RBMS3: variants seen among roughly 807,000 people sequenced by gnomAD.
The protein encoded by RBMS3 is RNA-binding motif, single-stranded-interacting protein 3.
RBMS3 carries 27 observed loss-of-function variants against 66.8 expected under a neutral mutation model. The observed-to-expected ratio is 0.40, with a 90% CI of 0.30 to 0.56. The LOEUF (loss-of-function observed/expected upper bound fraction) is 0.56, where lower values mean the gene tolerates loss of function less well. Among genes scored for constraint, RBMS3 ranks in the 20% least tolerant of loss-of-function variants. RBMS3 has a pLI of 0.40. For synonymous variants in RBMS3, 188 were observed against 183.0 expected (o/e 1.03, Z -0.22); for missense variants, 513 against 549.5 (o/e 0.93, Z 0.66).
intron 3 of RBMS3, among the ~76,000 whole-genome samples, chr3:29,521,128 C>T (rs1199965905): frequency 6.6e-6 from 1 of 152,088 alleles, no homozygotes; most frequent in Non-Finnish European, 1.5e-5. Flanking sequence ...TATCCCACCC[C>T]ATCCTTGATT....
intron 7 of RBMS3, among the ~76,000 whole-genome samples, chr3:29,871,109 A>G (rs1477510397): frequency 6.6e-6 from 1 of 152,152 alleles, no homozygotes; most frequent in Admixed American, 6.6e-5. Flanking sequence ...CTATATAAGC[A>G]ATATTTAATT....
chr3:29,652,991 C>G (rs946481495), intron 4 of RBMS3, among the ~76,000 whole-genome samples: 4 of 152,048 alleles, frequency 2.6e-5, no homozygotes, highest in African/African-American at 9.7e-5. Flanking sequence ...ATGTAGAAAT[C>G]AACTTCTATA....
intron 1 of RBMS3, among the ~76,000 whole-genome samples, chr3:29,353,419 T>G (rs1191654774): frequency 2.0e-5 from 3 of 151,944 alleles, no homozygotes; most frequent in Non-Finnish European, 4.4e-5. Flanking sequence ...GTTAAAGGAG[T>G]ATAGATTTAT....
chr3:29,640,151 A>C (rs114641672), intron 4 of RBMS3, among the ~76,000 whole-genome samples: 21 of 151,910 alleles, frequency 1.4e-4, no homozygotes, highest in African/African-American at 4.8e-4. Context: ...GCAGATACAG[A>C]TGTGTAACTA....
chr3:29,507,147 C>G lies in RBMS3; in HGVS notation c.307+18648C>G, dbSNP rs531987577. On this transcript the variant is annotated intron_variant, in intron 3 of 14. Transcript: ENST00000383767. ...TAATTTCTCTTTCTTTTTCTGATTC[C>G]TTGAAGTTTAACATTAGGATATCTC... Among the ~76,000 whole-genome samples the G allele has an allele frequency of 2.7e-5, 4 of 149,474 alleles. No homozygotes were observed. In the South Asian group the frequency reaches 8.4e-4, roughly 31 times the overall value.
At position 29,735,496 on chromosome 3, in the gene RBMS3, C is replaced by A. The variant is rs539511834; in HGVS notation, c.400-4224C>A. On this transcript the variant is annotated intron_variant, in intron 4 of 14. Coordinates refer to ENST00000383767, the MANE Select transcript of RBMS3 (RefSeq NM_001003793.3). Reference sequence around the variant, plus strand: ...GGGGAGTTACTTATAGTGACATGGACAGTTATATGTAATAGATGTATGAAT... The same window carrying A: ...GGGGAGTTACTTATAGTGACATGGAAAGTTATATGTAATAGATGTATGAAT... Among the ~76,000 whole-genome samples, 4 of 152,190 alleles carry A rather than the reference C, an allele frequency of 2.6e-5. No homozygotes were observed. The South Asian group carries it at 6.2e-4, about 24-fold the overall frequency.
chr3:29,978,360 A>G (rs1372667008), intron 12 of RBMS3, among the ~76,000 whole-genome samples: 1 of 152,212 alleles, frequency 6.6e-6, no homozygotes, highest in African/African-American at 2.4e-5. Context: ...CTTAAGGGAC[A>G]TAAAACTCCA....
At chr3:29,411,466 A>AT (rs2040263212) in intron 1 of RBMS3, among the ~76,000 whole-genome samples, 1 of 152,128 alleles carries the variant, frequency 6.6e-6, no homozygotes, top group Non-Finnish European at 1.5e-5. Context: ...ATGATTCATG[A>AT]TTTTATCAGA....
chr3:29,804,578 T>C (rs185532568), intron 6 of RBMS3, among the ~76,000 whole-genome samples: 27 of 152,110 alleles, frequency 1.8e-4, no homozygotes, highest in Non-Finnish European at 3.1e-4. Flanking sequence ...AATGATAAAA[T>C]CTGATTTTAT....
chr3:29,799,971 C>A (rs908938828), intron 6 of RBMS3, among the ~76,000 whole-genome samples: 2 of 152,160 alleles, frequency 1.3e-5, no homozygotes, highest in African/African-American at 2.4e-5. Context: ...ACAACTTCAT[C>A]AAGATTTATC....
intron 10 of RBMS3, among the ~76,000 whole-genome samples, chr3:29,920,463 T>C (rs2060742286): frequency 6.6e-6 from 1 of 152,216 alleles, no homozygotes; most frequent in Non-Finnish European, 1.5e-5. Context: ...TTTCTGTTTT[T>C]CTGAAATTTT....
At chr3:29,838,212 A>G (rs1008901217) in intron 6 of RBMS3, among the ~76,000 whole-genome samples, 1 of 147,718 alleles carries the variant, frequency 6.8e-6, no homozygotes, top group Non-Finnish European at 1.5e-5. Flanking sequence ...GATGGTGTGC[A>G]CCTGAAATCC....
At chr3:29,993,900 T>TA (rs1310047148) in intron 14 of RBMS3, among the ~76,000 whole-genome samples, 11 of 152,168 alleles carry the variant, frequency 7.2e-5, no homozygotes, top group Non-Finnish European at 1.0e-4. Context: ...TTTCTTATTT[T>TA]AAAAAATCTC....
intron 4 of RBMS3, among the ~76,000 whole-genome samples, chr3:29,661,534 C>T (rs1334209324): frequency 6.6e-6 from 1 of 152,010 alleles, no homozygotes; most frequent in Non-Finnish European, 1.5e-5. Context: ...ATTTAGGTCA[C>T]TACTGTTTCT....
chr3:29,656,749 C>A (rs1247582824), intron 4 of RBMS3, among the ~76,000 whole-genome samples: 1 of 152,104 alleles, frequency 6.6e-6, no homozygotes, highest in Non-Finnish European at 1.5e-5. Context: ...GACCCATAAC[C>A]GTTTTTTATG....
chr3:29,587,254 G>GTA, intron 4 of RBMS3, 49 bp downstream of exon 4: 1 of 255,778 alleles, frequency 3.9e-6, no homozygotes, highest in Non-Finnish European at 5.6e-6. Flanking sequence ...TTTTTTGTGT[G>GTA]TGTGTGTGTG....
chr3:29,562,773 T>C (rs1284667920), intron 3 of RBMS3, among the ~76,000 whole-genome samples: 2 of 152,206 alleles, frequency 1.3e-5, no homozygotes, highest in Non-Finnish European at 2.9e-5. Context: ...TATATCCTGC[T>C]CTAACCCATA....
chr3:29,388,752 G>A (rs968039254), intron 1 of RBMS3, among the ~76,000 whole-genome samples: 6 of 152,160 alleles, frequency 3.9e-5, no homozygotes, highest in African/African-American at 1.2e-4. Flanking sequence ...TTTTAGTAGA[G>A]ACAGGGTTTC....
chr3:29,553,054 T>A (rs1278715727), intron 3 of RBMS3, among the ~76,000 whole-genome samples: 1 of 152,122 alleles, frequency 6.6e-6, no homozygotes, highest in East Asian at 1.9e-4. Context: ...TCATAGGCAG[T>A]TTTGAGCATT....
Sources: allele counts gnomAD v4.1 joint callset (sites outside exome capture counted in the v4.1 genomes callset), GRCh38; gene constraint gnomAD v4.1.1; transcripts MANE v1.5; gene names NCBI Gene and HGNC (gene_info 2026-07-23, HGNC 2026-07-21).